SNTG1: variants seen among roughly 807,000 people sequenced by gnomAD.
SNTG1 encodes gamma-1-syntrophin.
Under a neutral mutation model 74.7 loss-of-function variants are expected in SNTG1, and 39 were observed. That is an observed-to-expected ratio of 0.52 (90% CI 0.40 to 0.68). SNTG1 has a LOEUF of 0.68. SNTG1 is among the 30% of genes least tolerant of loss of function. The pLI is 0.00. For missense variants in SNTG1, 685 were observed against 609.5 expected (o/e 1.12, Z -1.30); for synonymous variants, 254 against 217.1 (o/e 1.17, Z -1.49).
rs61090605 is a variant in SNTG1, at chr8:50,017,089, C to T, written c.-103+104858C>T. On this transcript the variant is annotated intron_variant, in intron 1 of 18. Transcript: ENST00000642720. ...TTAATATTAAAGTGAATCTTTCAAA[C>T]TGAAATGCAAGGACAGTATATGGTT... Among the ~76,000 whole-genome samples, 604 of 152,194 alleles carry T rather than the reference C, an allele frequency of 4.0e-3. 8 individuals are homozygous for T. The highest frequency in any genetic ancestry group is 0.012 in the African/African-American group (503 of 41,550).
chr8:50,708,843 C>CAAT, intron 16 of SNTG1, 43 bp from the exon 17 acceptor site: 1 of 1,258,912 alleles, frequency 7.9e-7, no homozygotes, highest in Non-Finnish European at 1.2e-6. Context: ...ATTGATATTG[C>CAAT]ATCAATAACA....
chr8:50,312,422 T>C (rs1406189406), intron 2 of SNTG1, among the ~76,000 whole-genome samples: 1 of 150,744 alleles, frequency 6.6e-6, no homozygotes, highest in Admixed American at 6.7e-5. Flanking sequence ...TTTTTAAAAT[T>C]CTAGATAAAA....
intron 12 of SNTG1, among the ~76,000 whole-genome samples, chr8:50,573,760 A>G (rs893444489): frequency 7.2e-5 from 11 of 151,904 alleles, no homozygotes; most frequent in African/African-American, 2.2e-4. Flanking sequence ...TTTTAAAATC[A>G]TAGTTCCAGT....
intron 1 of SNTG1, among the ~76,000 whole-genome samples, chr8:50,153,830 C>A (rs1430413817): frequency 6.6e-6 from 1 of 152,162 alleles, no homozygotes; most frequent in Non-Finnish European, 1.5e-5. Flanking sequence ...GGGTGCCTCC[C>A]AGTTAGGCTA....
At chr8:49,933,428 A>G (rs556156723) in intron 1 of SNTG1, among the ~76,000 whole-genome samples, 1 of 152,234 alleles carries the variant, frequency 6.6e-6, no homozygotes, top group East Asian at 1.9e-4. Flanking sequence ...TTCATTCCTA[A>G]ATTTTCTTCT....
chr8:50,566,305 G>T (rs927409339), intron 12 of SNTG1, among the ~76,000 whole-genome samples: 1 of 151,912 alleles, frequency 6.6e-6, no homozygotes, highest in Non-Finnish European at 1.5e-5. Flanking sequence ...AAAACAACCG[G>T]AAACTTTGAG....
chr8:50,604,035 G>A (rs1251438676), intron 13 of SNTG1, among the ~76,000 whole-genome samples: 3 of 152,126 alleles, frequency 2.0e-5, no homozygotes, highest in Non-Finnish European at 4.4e-5. Context: ...AGCCAGCAAG[G>A]GTAATGTCTT....
At chr8:50,239,755 G>A (rs1230847846) in intron 2 of SNTG1, among the ~76,000 whole-genome samples, 1 of 152,118 alleles carries the variant, frequency 6.6e-6, no homozygotes, top group African/African-American at 2.4e-5. Flanking sequence ...TCATAGTTTT[G>A]TTTGTTCCTT....
chr8:49,928,261 T>C (rs1807226396), intron 1 of SNTG1, among the ~76,000 whole-genome samples: 1 of 151,464 alleles, frequency 6.6e-6, no homozygotes, highest in Non-Finnish European at 1.5e-5. Flanking sequence ...AGAGTCTAGC[T>C]CTGTCCCCCA....
chr8:50,347,682 A>ATTTATCTTT (rs2091522002), intron 2 of SNTG1, among the ~76,000 whole-genome samples: 1 of 152,190 alleles, frequency 6.6e-6, no homozygotes, highest in South Asian at 2.1e-4. Context: ...CATTAAGAAC[A>ATTTATCTTT]TTTATCTTTT....
chr8:50,610,976 C>A (rs1187084344), intron 13 of SNTG1, among the ~76,000 whole-genome samples: 12 of 151,154 alleles, frequency 7.9e-5, no homozygotes, highest in African/African-American at 7.3e-5. Context: ...TAAGAAATAG[C>A]AAAAAAAAAT....
chr8:50,630,423 A>C (rs192489527), intron 13 of SNTG1, among the ~76,000 whole-genome samples: 1 of 152,306 alleles, frequency 6.6e-6, no homozygotes. Flanking sequence ...TTTTGGGGTT[A>C]TGCCAACCAA....
At chr8:50,637,478 A>AAT (rs1221234008) in intron 13 of SNTG1, among the ~76,000 whole-genome samples, 3 of 152,108 alleles carry the variant, frequency 2.0e-5, no homozygotes, top group African/African-American at 7.2e-5. Flanking sequence ...AGGAGCTTAA[A>AAT]ATATAGTCTT....
chr8:50,252,475 A>T (rs1402293725), intron 2 of SNTG1, among the ~76,000 whole-genome samples: 1 of 152,184 alleles, frequency 6.6e-6, no homozygotes, highest in African/African-American at 2.4e-5. Flanking sequence ...TTAACTGAGA[A>T]AAAAAGAGAA....
At chr8:50,138,016 T>C (rs2081532150) in intron 1 of SNTG1, among the ~76,000 whole-genome samples, 1 of 152,166 alleles carries the variant, frequency 6.6e-6, no homozygotes, top group Non-Finnish European at 1.5e-5. Flanking sequence ...ATATCTTTCT[T>C]ATCAATAAAT....
intron 4 of SNTG1, among the ~76,000 whole-genome samples, chr8:50,421,319 T>G (rs1379600449): frequency 6.6e-6 from 1 of 152,190 alleles, no homozygotes; most frequent in African/African-American, 2.4e-5. Flanking sequence ...TTTATGGTTA[T>G]TTCTTGATTG....
intron 2 of SNTG1, among the ~76,000 whole-genome samples, chr8:50,389,569 C>A (rs1013011044): frequency 2.0e-5 from 3 of 152,138 alleles, no homozygotes; most frequent in Non-Finnish European, 4.4e-5. Context: ...TTTATAGCAG[C>A]ATGATTTATA....
At chr8:50,675,414 A>C (rs1400179756) in intron 15 of SNTG1, among the ~76,000 whole-genome samples, 1 of 151,950 alleles carries the variant, frequency 6.6e-6, no homozygotes, top group East Asian at 1.9e-4. Flanking sequence ...TCATTATGTA[A>C]TGCTCTTCTT....
At chr8:50,349,885 A>T (rs1587258581) in intron 2 of SNTG1, among the ~76,000 whole-genome samples, 2 of 152,164 alleles carry the variant, frequency 1.3e-5, no homozygotes, top group East Asian at 3.9e-4. Flanking sequence ...CCAAGGTAGG[A>T]GCCGGCTCCC....
Sources: allele counts gnomAD v4.1 joint callset (sites outside exome capture counted in the v4.1 genomes callset), GRCh38; gene constraint gnomAD v4.1.1; transcripts MANE v1.5; gene names NCBI Gene and HGNC (gene_info 2026-07-23, HGNC 2026-07-21).